The following PBX1 variants were observed in gnomAD, a reference collection of about 807,000 sequenced individuals.
PBX1 encodes pre-B-cell leukemia transcription factor 1.
PBX1 carries 6 observed loss-of-function variants against 53.4 expected under a neutral mutation model. The observed-to-expected ratio is 0.11, with a 90% CI of 0.06 to 0.22. PBX1 has a LOEUF of 0.22. PBX1 is among the 10% of genes least tolerant of loss of function. The pLI, the probability that PBX1 is intolerant of heterozygous loss-of-function variation, is 1.00. For synonymous variants in PBX1, 204 were observed against 212.3 expected (o/e 0.96, Z 0.34); for missense variants, 251 against 551.4 (o/e 0.46, Z 5.46).
rs371343962 is a variant in PBX1 at position 164,784,788 on chromosome 1, C to T, written c.266-7706C>T. Among the ~76,000 whole-genome samples the T allele has an allele frequency of 6.6e-5, 10 of 152,292 alleles. No homozygotes were observed. In the South Asian group the frequency reaches 1.4e-3, roughly 22 times the overall value. ...TTCCTGGGCTGAAACATTTGAGGGC[C>T]GCAAATTCTTGCCTTTGTTTGACTA... On this transcript the variant is annotated intron_variant, in intron 2 of 8. Transcript: ENST00000420696.
chr1:164,586,284 A>G (rs138309933), intron 2 of PBX1, among the ~76,000 whole-genome samples: 1 of 152,330 alleles, frequency 6.6e-6, no homozygotes, highest in Non-Finnish European at 1.5e-5. Flanking sequence ...GTGCTAGAGG[A>G]AGCTGCTCAT....
At chr1:164,577,223 A>C (rs1654314879) in intron 2 of PBX1, among the ~76,000 whole-genome samples, 1 of 152,182 alleles carries the variant, frequency 6.6e-6, no homozygotes, top group African/African-American at 2.4e-5. Context: ...GGAGATTTTT[A>C]ACCCAAAGAA....
intron 2 of PBX1, among the ~76,000 whole-genome samples, chr1:164,738,728 A>T (rs1032392332): frequency 6.5e-4 from 99 of 152,224 alleles, no homozygotes; most frequent in Non-Finnish European, 1.5e-4. Context: ...TGGCTGATAT[A>T]TAGGCTTCCT....
intron 2 of PBX1, among the ~76,000 whole-genome samples, chr1:164,615,101 A>G (rs1184996692): frequency 6.6e-6 from 1 of 151,660 alleles, no homozygotes; most frequent in Non-Finnish European, 1.5e-5. Context: ...AGATTATTCA[A>G]CTCTTTCCTT....
At chr1:164,658,752 T>A (rs1660316116) in intron 2 of PBX1, among the ~76,000 whole-genome samples, 2 of 152,228 alleles carry the variant, frequency 1.3e-5, no homozygotes, top group Non-Finnish European at 2.9e-5. Context: ...CTTATAATAA[T>A]AACAGCCAAT....
intron 2 of PBX1, among the ~76,000 whole-genome samples, chr1:164,866,171 T>A (rs1417295287): frequency 1.3e-5 from 2 of 152,264 alleles, no homozygotes; most frequent in Non-Finnish European, 2.9e-5. Flanking sequence ...TATATTCTTA[T>A]TCATTATTCT....
intron 2 of PBX1, among the ~76,000 whole-genome samples, chr1:164,673,054 T>A (rs1468296931): frequency 6.6e-6 from 1 of 152,240 alleles, no homozygotes; most frequent in Non-Finnish European, 1.5e-5. Context: ...TCCATGTGTA[T>A]GTAATATAGT....
chr1:164,698,088 TG>T (rs1662893371), intron 2 of PBX1, among the ~76,000 whole-genome samples: 1 of 152,152 alleles, frequency 6.6e-6, no homozygotes, highest in African/African-American at 2.4e-5. Flanking sequence ...GAAGCGGGTC[TG>T]GGAAATTAAA....
At chr1:164,574,756 C>T (rs1384579837) in intron 2 of PBX1, among the ~76,000 whole-genome samples, 3 of 151,912 alleles carry the variant, frequency 2.0e-5, no homozygotes, top group Non-Finnish European at 2.9e-5. Flanking sequence ...CCGAGATGGG[C>T]GGATCACCTG....
At chr1:164,606,100 T>A (rs1004857114) in intron 2 of PBX1, among the ~76,000 whole-genome samples, 2 of 152,200 alleles carry the variant, frequency 1.3e-5, no homozygotes, top group African/African-American at 4.8e-5. Flanking sequence ...CTTTTCAGCT[T>A]CAAGGGATTT....
At chr1:164,714,863 A>G (rs569520818) in intron 2 of PBX1, among the ~76,000 whole-genome samples, 1 of 152,354 alleles carries the variant, frequency 6.6e-6, no homozygotes, top group Admixed American at 6.5e-5. Flanking sequence ...GACTGGAGCT[A>G]GGATATTCTA....
rs145089197 is a variant in PBX1, at chr1:164,730,091, A to G, written c.266-62403A>G. On this transcript the variant is annotated intron_variant, in intron 2 of 8. Coordinates refer to ENST00000420696, the MANE Select transcript of PBX1 (RefSeq NM_002585.4). ...GGCTTCAGGATATCTGAAGGCCACC[A>G]TAAATCACTGTGAGAGTAGCAGAAG... is the stretch of plus-strand genomic sequence containing the variant. Among the ~76,000 whole-genome samples the G allele has an allele frequency of 1.6e-3, 242 of 152,346 alleles. 1 individual carries two copies. Among genetic ancestry groups the G allele is most frequent in the African/African-American group, 5.2e-3 (216 of 41,586 alleles).
chr1:164,792,618 G>A lies in PBX1; in HGVS notation c.390G>A (p.Ala130=), dbSNP rs762709883. ...AGGGCGGAGGGTCGGCGGCAGCGGC[G>A]GCAGCGGCGGCGGCTTCTGGAGGGG... ...PEKGGGSAAA[A]AAAAASGGAG... is the part of the protein sequence containing the mutation. Residue 130 remains alanine (A), a synonymous_variant, in exon 3 of 9, where the codon GCG becomes GCA. Transcript: ENST00000420696. 1.2e-6 allele frequency: 2 copies of A among 1,613,606 alleles called. No individual in the cohort carries two copies. Among genetic ancestry groups the A allele is most frequent in the Middle Eastern group, 1.6e-4 (1 of 6,062 alleles).
chr1:164,820,019 G>T lies in PBX1; in HGVS notation c.998-53G>T, dbSNP rs1241917403. ...TCTTCCTCTTGGCTGTTAGTTGCGG[G>T]GTTTGAGCCTTTTCCTTTCTGTGAT... On this transcript the variant is annotated intron_variant, in intron 6 of 8. Coordinates refer to ENST00000420696, the MANE Select transcript of PBX1 (RefSeq NM_002585.4). 4 of 1,063,218 alleles carry T rather than the reference G, an allele frequency of 3.8e-6. No individual in the cohort carries two copies. The Admixed American group carries it at 5.6e-5, about 15-fold the overall frequency. 65.9% of individuals were successfully genotyped at this position (1,063,218 alleles called of 1,614,324 possible).
chr1:164,647,911 T>C (rs1463102808), intron 2 of PBX1, among the ~76,000 whole-genome samples: 1 of 150,324 alleles, frequency 6.7e-6, no homozygotes, highest in Non-Finnish European at 1.5e-5. Flanking sequence ...GCCTCCCGGG[T>C]TCATGCCATT....
intron 2 of PBX1, among the ~76,000 whole-genome samples, chr1:164,644,185 C>T (rs1345661157): frequency 5.3e-5 from 8 of 152,148 alleles, no homozygotes; most frequent in Non-Finnish European, 1.2e-4. Context: ...TCATTTCATA[C>T]ATTAGATGAA....
intron 2 of PBX1, among the ~76,000 whole-genome samples, chr1:164,613,004 A>C (rs922476210): frequency 1.3e-5 from 2 of 152,218 alleles, no homozygotes; most frequent in African/African-American, 4.8e-5. Context: ...AAGTATTTAC[A>C]TCAGTGTGTG....
chr1:164,761,201 T>C lies in PBX1; in HGVS notation c.266-31293T>C, dbSNP rs1666794796. The stretch of plus-strand genomic sequence containing the variant: ...GGTGGTCAGGGAAAAGGATTTTTCC[T>C]CACAGTAAGATGTGTCTGCTCAGCT... On this transcript the variant is annotated intron_variant, in intron 2 of 8. Transcript: ENST00000420696. Among the ~76,000 whole-genome samples the C allele has an allele frequency of 1.3e-5, 2 of 152,232 alleles. 1 individual carries two copies. The highest frequency in any genetic ancestry group is 4.1e-4 in the South Asian group (2 of 4,834).
intron 1 of PBX1, 195 bp from the exon 2 acceptor site, chr1:164,563,043 C>G (rs1653175897): frequency 2.5e-6 from 1 of 395,024 alleles, no homozygotes; most frequent in East Asian, 4.0e-5. Flanking sequence ...CCTACCCTCT[C>G]CCTGCTAATT....
Sources: gnomAD v4.1 joint callset for allele counts (sites outside exome capture counted in the v4.1 genomes callset) on GRCh38, gnomAD v4.1.1 for gene constraint, MANE v1.5 for transcripts, NCBI Gene and HGNC (gene_info 2026-07-23, HGNC 2026-07-21) for gene names.